NEB: variants seen among roughly 807,000 people sequenced by gnomAD.
NEB encodes nemaline myopathy type 2.
In NEB, 512 loss-of-function variants were observed where a neutral mutation model predicts 952.2. The observed-to-expected ratio is 0.54, with a 90% confidence interval of 0.50 to 0.58. NEB has a LOEUF of 0.58. Ranked by LOEUF, NEB falls within the 20% of genes least tolerant of loss-of-function variation. The probability of loss-of-function intolerance (pLI) is 0.00; values close to 1 mark genes in which losing one functional copy is unlikely to be tolerated. For missense variants in NEB, 8,428 were observed against 9,231.1 expected (o/e 0.91, Z 3.56); for synonymous variants, 2,900 against 3,149.8 (o/e 0.92, Z 2.66).
intron 129 of NEB, among the ~76,000 whole-genome samples, chr2:151,550,970 T>TTATTA (rs976643542): frequency 6.8e-6 from 1 of 147,580 alleles, no homozygotes; most frequent in African/African-American, 2.5e-5. Flanking sequence ...ATTATTATTA[T>TTATTA]TATTATTATT....
At chr2:151,727,635 A>T in intron 5 of NEB, 56 bp downstream of exon 5, 2 of 1,513,574 alleles carry the variant, frequency 1.3e-6, no homozygotes, top group Non-Finnish European at 1.8e-6. Flanking sequence ...GAGTGAGTTG[A>T]GATAAGTAAT....
chr2:151,692,851 T>TC (rs2099569501), intron 20 of NEB, among the ~76,000 whole-genome samples: 2 of 152,104 alleles, frequency 1.3e-5, no homozygotes, highest in African/African-American at 4.8e-5. Flanking sequence ...ATGTCTGTAA[T>TC]CCCAGCTACT....
At chr2:151,539,883 T>C (rs2093789330) in intron 138 of NEB, among the ~76,000 whole-genome samples, 2 of 152,224 alleles carry the variant, frequency 1.3e-5, no homozygotes, top group South Asian at 2.1e-4. Context: ...TAGACACTTA[T>C]ACATTATCTT....
intron 123 of NEB, 132 bp downstream of exon 123, chr2:151,560,872 G>T: frequency 1.3e-6 from 1 of 764,350 alleles, no homozygotes; most frequent in Non-Finnish European, 2.1e-6. Flanking sequence ...ATGAGGTAAA[G>T]TAAGATTGAA....
At chr2:151,680,469 T>C (rs2099405918) in intron 30 of NEB, among the ~76,000 whole-genome samples, 1 of 152,188 alleles carries the variant, frequency 6.6e-6, no homozygotes, top group South Asian at 2.1e-4. Flanking sequence ...GTAGTTTTTG[T>C]TGTCATTAAG....
chr2:151,563,110 G>A (rs2096183912), intron 119 of NEB, among the ~76,000 whole-genome samples: 1 of 147,596 alleles, frequency 6.8e-6, no homozygotes, highest in African/African-American at 2.5e-5. Flanking sequence ...TGCCTCCTGG[G>A]TTCAAATAAT....
At position 151,706,967 on chromosome 2, in the gene NEB, T is replaced by C; in HGVS notation, c.1066A>G (p.Lys356Glu). ...VKYKEDYEKN[K>E]GKADYNVLPA... ...AGCACATTATAATCTGCTTTTCCTT[T>C]ATTCTTTTCATAGTCTTCTTTGTAT... The change falls in exon 13 of 182, where the codon AAA becomes GAA. Residue 356 changes from lysine to glutamate, a missense_variant. Around this residue, in one of 11 missense-constraint regions of NEB, gnomAD observed 2,851 missense variants for 2,791.5 expected, o/e 1.02. Coordinates refer to ENST00000397345, the MANE Select transcript of NEB (RefSeq NM_001164508.2). The C allele has an allele frequency of 6.3e-7, 1 of 1,593,966 alleles. No individual in the cohort carries two copies. Among genetic ancestry groups the C allele is most frequent in the Non-Finnish European group, 8.6e-7 (1 of 1,168,486 alleles).
chr2:151,508,093 T>C lies in NEB; in HGVS notation c.23363A>G (p.Asp7788Gly), dbSNP rs768363495. ...NLSSQKKYKEDAEKSMSYYET... is the reference protein window; with the variant it reads ...NLSSQKKYKEGAEKSMSYYET... ...ATAATACGACATGGACTTCTCAGCA[T>C]CTTCCTTGTACTTTTTCTGGGAATA... The change falls in exon 162 of 182, where the codon GAT becomes GGT. Residue 7788 changes from aspartate (D) to glycine (G), a missense_variant. Coordinates refer to ENST00000397345, the MANE Select transcript of NEB (RefSeq NM_001164508.2). 12 of 1,606,700 alleles carry C rather than the reference T, an allele frequency of 7.5e-6. No individual in the cohort carries two copies. In the Admixed American group the frequency reaches 2.0e-4, roughly 27 times the overall value.
chr2:151,507,645 T>C (rs1256751407), intron 162 of NEB: 2 of 223,156 alleles, frequency 9.0e-6, no homozygotes, highest in Non-Finnish European at 1.8e-5. Context: ...ATACACATAT[T>C]TCCCTGTTTC....
intron 12 of NEB, among the ~76,000 whole-genome samples, chr2:151,707,394 C>A (rs1414603032): frequency 2.0e-5 from 3 of 152,182 alleles, no homozygotes; most frequent in African/African-American, 7.2e-5. Context: ...CAGCTCTCAA[C>A]CCCCAGCTAC....
intron 145 of NEB, among the ~76,000 whole-genome samples, chr2:151,529,585 C>T (rs1490337875): frequency 1.3e-5 from 2 of 150,858 alleles, no homozygotes; most frequent in African/African-American, 2.4e-5. Flanking sequence ...GGCTGGAGTA[C>T]AATGGTGTGA....
At chr2:151,667,584 G>A (rs959264283) in intron 40 of NEB, among the ~76,000 whole-genome samples, 1 of 151,950 alleles carries the variant, frequency 6.6e-6, no homozygotes, top group African/African-American at 2.4e-5. Context: ...CACCCAGGCT[G>A]GAGTGCAATC....
intron 63 of NEB, among the ~76,000 whole-genome samples, chr2:151,636,804 A>T (rs1318866734): frequency 6.6e-6 from 1 of 152,174 alleles, no homozygotes; most frequent in Non-Finnish European, 1.5e-5. Flanking sequence ...AAAACAAAAA[A>T]AAAAGATACC....
chr2:151,695,536 G>T, intron 18 of NEB, 42 bp downstream of exon 18: 1 of 1,412,304 alleles, frequency 7.1e-7, no homozygotes, highest in Non-Finnish European at 1.0e-6. Context: ...TAAAAGCACA[G>T]GTTGTCAGTA....
At chr2:151,635,691 A>G (rs1285105503) in intron 64 of NEB, among the ~76,000 whole-genome samples, 7 of 144,058 alleles carry the variant, frequency 4.9e-5, no homozygotes, top group Non-Finnish European at 1.1e-4. Flanking sequence ...GGGCAACAAG[A>G]GCAAAACTCT....
chr2:151,667,268 C>T (rs915937084), intron 40 of NEB, among the ~76,000 whole-genome samples: 1 of 151,700 alleles, frequency 6.6e-6, no homozygotes, highest in Non-Finnish European at 1.5e-5. Context: ...TTTAGTATAT[C>T]ATGACTTTTT....
In NEB at chr2:151,710,646, T is replaced by C. The variant is rs150770664; in HGVS notation, c.823-108A>G. The C allele has an allele frequency of 2.3e-3, 1,483 of 658,790 alleles. 14 individuals carry two copies. Among genetic ancestry groups the C allele is most frequent in the African/African-American group, 0.016 (877 of 54,946 alleles). 40.8% of individuals were successfully genotyped at this position (658,790 alleles called of 1,614,324 possible). On this transcript the variant is annotated intron_variant, in intron 10 of 181. Transcript: ENST00000397345. ...TTTTAAAAATATCTTCAGCAAGCCA[T>C]TCTTAGGTCCTTAATAAATGCCTTT...
chr2:151,696,695 TGGG>T lies in NEB; in HGVS notation c.1508_1510del (p.Thr503_Gln504delinsLys). 6.2e-7 allele frequency: 1 copy of T among 1,613,844 alleles called. No homozygotes were observed. Among genetic ancestry groups the T allele is most frequent in the Non-Finnish European group, 8.5e-7 (1 of 1,179,800 alleles). On this transcript the variant is annotated inframe_deletion, in exon 17 of 182. Coordinates refer to ENST00000397345, the MANE Select transcript of NEB (RefSeq NM_001164508.2). ...TAGCAGAACAGGAGAGTCTGTAACT[TGGG>T]TGAATTTTGTCTTATCTGGATGGAC...
intron 11 of NEB, 93 bp downstream of exon 11, chr2:151,710,341 G>C: frequency 4.0e-6 from 3 of 741,150 alleles, no homozygotes; most frequent in Non-Finnish European, 6.6e-6. Context: ...CAAGTGTTCT[G>C]GCACCCATTC....
Sources: gnomAD v4.1 joint callset for allele counts (sites outside exome capture counted in the v4.1 genomes callset) on GRCh38, gnomAD v4.1.1 for gene constraint, gnomAD v4.1.1 regional missense constraint, MANE v1.5 for transcripts, NCBI Gene and HGNC (gene_info 2026-07-23, HGNC 2026-07-21) for gene names.